DLG2: variants seen among roughly 807,000 people sequenced by gnomAD.
DLG2 encodes disks large homolog 2.
DLG2 carries 45 observed loss-of-function variants against 132.5 expected under a neutral mutation model. The observed-to-expected ratio is 0.34, with a 90% CI of 0.27 to 0.44. DLG2 has a LOEUF of 0.44. Among genes scored for constraint, DLG2 ranks in the 20% least tolerant of loss-of-function variants. DLG2 has a pLI of 1.00. For missense variants in DLG2, 1,045 were observed against 1,196.9 expected, an observed-to-expected ratio of 0.87 and a Z score of 1.87; for synonymous variants, 424 against 419.6, an observed-to-expected ratio of 1.01 and a Z score of -0.13.
chr11:85,104,131 T>C (rs1308854592), intron 6 of DLG2, among the ~76,000 whole-genome samples: 1 of 151,860 alleles, frequency 6.6e-6, no homozygotes, highest in Non-Finnish European at 1.5e-5. Flanking sequence ...ATGGTGCAAA[T>C]GTTATGGGAA....
At chr11:85,209,537 C>T (rs2082119658) in intron 4 of DLG2, among the ~76,000 whole-genome samples, 2 of 134,788 alleles carry the variant, frequency 1.5e-5, no homozygotes, top group Non-Finnish European at 3.1e-5. Context: ...AAGCAATTCT[C>T]CTGCCTTAGC....
intron 3 of DLG2, among the ~76,000 whole-genome samples, chr11:85,489,893 A>G (rs1381270563): frequency 6.6e-6 from 1 of 150,822 alleles, no homozygotes; most frequent in African/African-American, 2.4e-5. Context: ...GCAAAAAATG[A>G]GTAAATAAAA....
intron 3 of DLG2, among the ~76,000 whole-genome samples, chr11:85,523,942 G>A (rs546959333): frequency 7.9e-5 from 12 of 152,314 alleles, no homozygotes; most frequent in Admixed American, 5.9e-4. Context: ...CAATATGGAT[G>A]GAGCTGGAGG....
chr11:85,266,247 C>G (rs928448658), intron 4 of DLG2, among the ~76,000 whole-genome samples: 1 of 152,230 alleles, frequency 6.6e-6, no homozygotes, highest in Admixed American at 6.5e-5. Context: ...CCTGCACTCT[C>G]TTGCCTATGT....
Position 83,459,546 on chromosome 11 carries a change from T to G in DLG2, c.*272A>C. ...GTGAGGAGGCTCTCATCTCATCTCT[T>G]GGGCAGAAAGCCCGTCAGAGGTTCA... On this transcript the variant is annotated 3_prime_UTR_variant, in exon 28 of 28. Coordinates refer to ENST00000376104, the MANE Select transcript of DLG2 (RefSeq NM_001142699.3). 1 of 276,842 alleles carries G rather than the reference T, an allele frequency of 3.6e-6. No individual in the cohort carries two copies. The highest frequency in any genetic ancestry group is 6.9e-6 in the Non-Finnish European group (1 of 145,298). The allele number at this position is 276,842 out of a possible 1,614,324, so 17.1% of individuals were successfully genotyped here. A position where few individuals can be genotyped will look rare whatever the true frequency, so the allele number is the denominator to read the frequency against.
chr11:83,882,637 T>G (rs2066601790), intron 15 of DLG2, among the ~76,000 whole-genome samples: 1 of 152,232 alleles, frequency 6.6e-6, no homozygotes, highest in Non-Finnish European at 1.5e-5. Context: ...ACTCATTTTA[T>G]TATGCCACTA....
intron 18 of DLG2, among the ~76,000 whole-genome samples, chr11:83,776,187 T>A (rs1419055555): frequency 1.3e-5 from 2 of 152,222 alleles, no homozygotes; most frequent in East Asian, 3.8e-4. Flanking sequence ...TAGCCAATCA[T>A]GCTTTCCATG....
At chr11:83,464,260 A>G (rs2090598002) in intron 26 of DLG2, among the ~76,000 whole-genome samples, 1 of 152,200 alleles carries the variant, frequency 6.6e-6, no homozygotes, top group South Asian at 2.1e-4. Context: ...TGCTCCTCTG[A>G]AGAGTCAGCT....
chr11:85,356,945 A>T (rs116601063), intron 3 of DLG2, among the ~76,000 whole-genome samples: 102 of 152,246 alleles, frequency 6.7e-4, no homozygotes, highest in African/African-American at 2.4e-3. Context: ...AGGAAGCAGA[A>T]TATTTTACTG....
chr11:84,349,391 G>T (rs1436841380), intron 7 of DLG2, among the ~76,000 whole-genome samples: 7 of 152,204 alleles, frequency 4.6e-5, no homozygotes, highest in Middle Eastern at 3.4e-3. Flanking sequence ...ACTTTGTAAG[G>T]TCTGGGGTTT....
intron 7 of DLG2, among the ~76,000 whole-genome samples, chr11:84,488,728 G>T (rs2099157110): frequency 6.6e-6 from 1 of 152,054 alleles, no homozygotes; most frequent in South Asian, 2.1e-4. Flanking sequence ...AGCTTAAAGG[G>T]ACTAGATTCC....
chr11:83,902,391 C>T (rs1344989151), intron 15 of DLG2, among the ~76,000 whole-genome samples: 1 of 152,130 alleles, frequency 6.6e-6, no homozygotes, highest in Non-Finnish European at 1.5e-5. Flanking sequence ...ATAAAAACTG[C>T]TACATTAACA....
At chr11:84,332,403 G>C (rs148843177) in intron 7 of DLG2, among the ~76,000 whole-genome samples, 5,371 of 151,410 alleles carry the variant, frequency 0.035, 286 homozygotes, top group East Asian at 0.19. Context: ...GTAGAGACGG[G>C]GTTTCACCGT....
chr11:84,578,331 C>T (rs960811713), intron 6 of DLG2, among the ~76,000 whole-genome samples: 3 of 152,104 alleles, frequency 2.0e-5, no homozygotes, highest in Admixed American at 2.0e-4. Flanking sequence ...ACAGCTTGCA[C>T]TGTGTACCTG....
intron 3 of DLG2, among the ~76,000 whole-genome samples, chr11:85,502,728 T>G (rs564549645): frequency 6.6e-6 from 1 of 152,174 alleles, no homozygotes; most frequent in Admixed American, 6.5e-5. Context: ...GATGATGGGT[T>G]GATAGGTGCG....
chr11:84,686,530 T>C (rs1272259153), intron 6 of DLG2, among the ~76,000 whole-genome samples: 1 of 151,874 alleles, frequency 6.6e-6, no homozygotes, highest in African/African-American at 2.4e-5. Context: ...CTCCAATCCC[T>C]AAAGTTACAT....
chr11:84,665,726 T>C (rs2099699122), intron 6 of DLG2, among the ~76,000 whole-genome samples: 1 of 152,164 alleles, frequency 6.6e-6, no homozygotes, highest in Non-Finnish European at 1.5e-5. Context: ...TCTTCCTTTC[T>C]AGATGTTGAA....
intron 3 of DLG2, among the ~76,000 whole-genome samples, chr11:85,442,714 A>T (rs1026616150): frequency 7.9e-5 from 12 of 152,024 alleles, no homozygotes; most frequent in Middle Eastern, 3.4e-3. Context: ...AAAAAAAAAT[A>T]AAAAATAAAT....
chr11:85,300,526 C>T (rs1435442706), intron 3 of DLG2, among the ~76,000 whole-genome samples: 2 of 152,136 alleles, frequency 1.3e-5, no homozygotes, highest in South Asian at 2.1e-4. Flanking sequence ...TTATGCCCAT[C>T]AGAGATGGAC....
Sources: gnomAD v4.1 joint callset for allele counts (sites outside exome capture counted in the v4.1 genomes callset) on GRCh38, gnomAD v4.1.1 for gene constraint, MANE v1.5 for transcripts, NCBI Gene and HGNC (gene_info 2026-07-23, HGNC 2026-07-21) for gene names.